The following KCNN2 variants were observed in gnomAD, a reference collection of about 807,000 sequenced individuals.
The protein encoded by KCNN2 is potassium calcium-activated channel subfamily N member 2, also known as small conductance calcium-activated potassium channel protein 2.
Under a neutral mutation model 55.5 loss-of-function variants are expected in KCNN2, and 24 were observed. The ratio of observed to expected loss-of-function variants is 0.43; its 90% CI spans 0.31 to 0.61. The LOEUF is 0.61. KCNN2 is among the 20% of genes least tolerant of loss of function. The pLI is 0.08. For missense variants in KCNN2, 754 were observed against 853.6 expected (o/e 0.88, Z 1.45); for synonymous variants, 431 against 336.1 (o/e 1.28, Z -3.09).
rs111892703 is a variant in KCNN2 at position 114,337,247 on chromosome 5, G to A, written c.-184-23698G>A. 6.2e-3 allele frequency among the ~76,000 whole-genome samples: 941 copies of A among 152,238 alleles called. 3 individuals carry two copies. The highest frequency in any genetic ancestry group is 0.011 in the Non-Finnish European group (749 of 68,010). On this transcript the variant is annotated intron_variant, in intron 2 of 10. Transcript: ENST00000512097. The stretch of plus-strand genomic sequence containing the variant: ...AATGAAATTTATCCCATAGGTAAGT[G>A]GGGGTTATAAATAGACATAGAAAAT...
chr5:114,405,207 G>A (rs996324920), intron 3 of KCNN2, among the ~76,000 whole-genome samples: 5 of 152,182 alleles, frequency 3.3e-5, no homozygotes, highest in East Asian at 1.9e-4. Flanking sequence ...GCTTATGAGC[G>A]TTGTTTGTTG....
At chr5:114,279,021 AT>A (rs11292961) in intron 2 of KCNN2, among the ~76,000 whole-genome samples, 136,287 of 151,666 alleles carry the variant, frequency 0.9, 61,609 homozygotes, top group East Asian at 0.94. Flanking sequence ...CCTAGTTCTC[AT>A]TTTTTTTTGT....
intron 6 of KCNN2, 82 bp downstream of exon 6, chr5:114,487,259 G>A: frequency 1.5e-6 from 2 of 1,296,266 alleles, no homozygotes; most frequent in Admixed American, 4.3e-5. Flanking sequence ...GTTTCATAAG[G>A]AAGGAAAAAA....
At position 114,145,036 on chromosome 5, in the gene KCNN2, T is replaced by C. The variant is rs188633508; in HGVS notation, c.-270-76444T>C. Among the ~76,000 whole-genome samples the C allele has an allele frequency of 2.1e-3, 315 of 152,298 alleles. 1 individual carries two copies. Among genetic ancestry groups the C allele is most frequent in the African/African-American group, 7.3e-3 (305 of 41,578 alleles). On this transcript the variant is annotated intron_variant, in intron 1 of 10. Coordinates refer to the KCNN2 transcript ENST00000512097. ...ACACTTTCTCCAGCCCAAACTCTCA[T>C]ACCAGTCATAGCTATGGTTAATCTC...
At chr5:114,465,030 A>C (rs970658671) in intron 4 of KCNN2, among the ~76,000 whole-genome samples, 1 of 152,118 alleles carries the variant, frequency 6.6e-6, no homozygotes, top group African/African-American at 2.4e-5. Flanking sequence ...GCTTCTTAGA[A>C]ACAACTTCCT....
At chr5:114,114,200 C>T (rs994617649) in intron 1 of KCNN2, among the ~76,000 whole-genome samples, 1 of 152,004 alleles carries the variant, frequency 6.6e-6, no homozygotes, top group African/African-American at 2.4e-5. Flanking sequence ...TCTTCTTCTT[C>T]CTGGACTGCA....
chr5:114,136,277 G>C (rs1329519170), intron 1 of KCNN2, among the ~76,000 whole-genome samples: 1 of 152,158 alleles, frequency 6.6e-6, no homozygotes, highest in African/African-American at 2.4e-5. Context: ...TTGAGAGTGG[G>C]TGGTTAGAAC....
chr5:114,250,580 G>A (rs1754838423), intron 2 of KCNN2, among the ~76,000 whole-genome samples: 1 of 152,184 alleles, frequency 6.6e-6, no homozygotes, highest in African/African-American at 2.4e-5. Context: ...AAGGTAGAGT[G>A]CACAGGGCAC....
chr5:114,141,069 A>G (rs1045726298), intron 1 of KCNN2, among the ~76,000 whole-genome samples: 2 of 151,886 alleles, frequency 1.3e-5, no homozygotes, highest in Admixed American at 6.6e-5. Flanking sequence ...TTACAGGCAT[A>G]AGCCACCATG....
upstream of KCNN2, among the ~76,000 whole-genome samples, chr5:114,359,905 C>A (rs1264627335): frequency 2.0e-5 from 3 of 152,134 alleles, no homozygotes; most frequent in African/African-American, 7.2e-5. Flanking sequence ...CAAATTACTT[C>A]GCAGGATTGT....
chr5:114,200,380 T>A (rs1455803262), intron 1 of KCNN2, among the ~76,000 whole-genome samples: 1 of 151,994 alleles, frequency 6.6e-6, no homozygotes, highest in African/African-American at 2.4e-5. Context: ...CTCTAAGATA[T>A]CTGTCTCTTT....
chr5:114,292,009 A>G (rs1254110419), intron 2 of KCNN2, among the ~76,000 whole-genome samples: 19 of 151,818 alleles, frequency 1.3e-4, no homozygotes, highest in Non-Finnish European at 2.6e-4. Flanking sequence ...GTGTCTGTTC[A>G]TATCCTTCAC....
At chr5:114,398,458 G>C (rs1173944133) in intron 2 of KCNN2, among the ~76,000 whole-genome samples, 1 of 151,688 alleles carries the variant, frequency 6.6e-6, no homozygotes. Context: ...TTTGAAGTCA[G>C]GTAATGTGAT....
chr5:114,363,837 C>T (rs1757524506), intron 1 of KCNN2, 69 bp from the exon 2 acceptor site: 1 of 1,108,116 alleles, frequency 9.0e-7, no homozygotes. Context: ...GACTGACTGA[C>T]TCTGGGGACG....
chr5:114,275,861 C>A (rs544636999), intron 2 of KCNN2, among the ~76,000 whole-genome samples: 1 of 151,924 alleles, frequency 6.6e-6, no homozygotes, highest in African/African-American at 2.4e-5. Flanking sequence ...CTTTTCCTGT[C>A]TTCTGCTAGC....
chr5:114,394,565 C>T (rs1758561977), intron 2 of KCNN2, among the ~76,000 whole-genome samples: 1 of 152,182 alleles, frequency 6.6e-6, no homozygotes, highest in Non-Finnish European at 1.5e-5. Context: ...GTCAAAAAGG[C>T]CTTCCTTTCT....
chr5:114,398,655 C>T (rs1185532933), intron 2 of KCNN2, among the ~76,000 whole-genome samples: 1 of 152,132 alleles, frequency 6.6e-6, no homozygotes, highest in African/African-American at 2.4e-5. Context: ...GCCATTTTAA[C>T]ATTACTGATT....
intron 2 of KCNN2, among the ~76,000 whole-genome samples, chr5:114,368,157 T>C (rs1757660416): frequency 6.6e-6 from 1 of 152,098 alleles, no homozygotes; most frequent in Non-Finnish European, 1.5e-5. Flanking sequence ...ACGGTTGACT[T>C]TTCATTTATG....
At chr5:114,454,291 T>C (rs1246546751) in intron 3 of KCNN2, among the ~76,000 whole-genome samples, 2 of 152,188 alleles carry the variant, frequency 1.3e-5, no homozygotes, top group Non-Finnish European at 2.9e-5. Context: ...TTCCTTTCTT[T>C]CTTCCTCCCT....
Sources: gnomAD v4.1 joint callset for allele counts (sites outside exome capture counted in the v4.1 genomes callset) on GRCh38, gnomAD v4.1.1 for gene constraint, MANE v1.5 for transcripts, NCBI Gene and HGNC (gene_info 2026-07-23, HGNC 2026-07-21) for gene names.